The following ZNF407 variants were observed in gnomAD, a reference collection of about 807,000 sequenced individuals.
ZNF407 encodes zinc finger protein 407.
In ZNF407, 17 loss-of-function variants were observed where a neutral mutation model predicts 131.2. The ratio of observed to expected loss-of-function variants is 0.13; its 90% CI spans 0.09 to 0.19. The LOEUF is 0.19. Among genes scored for constraint, ZNF407 ranks in the 10% least tolerant of loss-of-function variants. ZNF407 has a pLI of 1.00. For missense variants in ZNF407, 2,681 were observed against 2,830.6 expected (o/e 0.95, Z 1.20); for synonymous variants, 1,156 against 1,062.0 (o/e 1.09, Z -1.72).
intron 3 of ZNF407, among the ~76,000 whole-genome samples, chr18:74,684,028 A>G (rs552162124): frequency 6.6e-6 from 1 of 152,302 alleles, no homozygotes; most frequent in African/African-American, 2.4e-5. Context: ...TGTGGTTGTT[A>G]GTGCTATAAT....
intron 4 of ZNF407, among the ~76,000 whole-genome samples, chr18:74,815,640 CATT>C (rs1341660011): frequency 6.6e-6 from 1 of 152,010 alleles, no homozygotes; most frequent in African/African-American, 2.4e-5. Context: ...ATTGATTTTC[CATT>C]ATTATTGTTC....
chr18:75,007,485 C>T (rs1468786013), intron 8 of ZNF407, among the ~76,000 whole-genome samples: 1 of 152,196 alleles, frequency 6.6e-6, no homozygotes, highest in African/African-American at 2.4e-5. Context: ...CCCACAACTC[C>T]TGGACATTCT....
Position 74,861,524 on chromosome 18 carries a change from A to G in ZNF407, c.4878-15673A>G, listed in dbSNP as rs996707433. Among the ~76,000 whole-genome samples the G allele has an allele frequency of 4.5e-4, 68 of 152,320 alleles. 1 individual carries two copies. The highest frequency in any genetic ancestry group is 1.6e-3 in the African/African-American group (65 of 41,580). ...AGGAATTTACTCGACGTTTGCTTTC[A>G]ACTAAAAGAATAGACAACATATTCA... On this transcript the variant is annotated intron_variant, in intron 4 of 8. Transcript: ENST00000299687.
intron 4 of ZNF407, among the ~76,000 whole-genome samples, chr18:74,845,876 C>T (rs1446865032): frequency 6.6e-6 from 1 of 152,014 alleles, no homozygotes; most frequent in African/African-American, 2.4e-5. Context: ...GGTTGGGCTA[C>T]CAACTGATTA....
At chr18:74,939,135 A>C (rs375882873) in intron 8 of ZNF407, among the ~76,000 whole-genome samples, 5 of 152,284 alleles carry the variant, frequency 3.3e-5, no homozygotes, top group African/African-American at 1.2e-4. Flanking sequence ...TTAGGGCATG[A>C]TTTCTATTGC....
At chr18:74,823,234 C>G (rs144180253) in intron 4 of ZNF407, among the ~76,000 whole-genome samples, 1,653 of 152,272 alleles carry the variant, frequency 0.011, 24 homozygotes, top group African/African-American at 0.037. Flanking sequence ...AAAGGAACAA[C>G]CAGTACCAGC....
chr18:74,626,630 C>T (rs1361779057), intron 1 of ZNF407, among the ~76,000 whole-genome samples: 1 of 152,144 alleles, frequency 6.6e-6, no homozygotes, highest in Non-Finnish European at 1.5e-5. Context: ...GTAATAGCAA[C>T]AAAAGGAAAC....
At chr18:75,014,001 A>G (rs1001532042) in intron 8 of ZNF407, among the ~76,000 whole-genome samples, 6 of 152,118 alleles carry the variant, frequency 3.9e-5, no homozygotes, top group African/African-American at 1.4e-4. Flanking sequence ...CAAATCCTAT[A>G]GAAGCTTTAT....
chr18:75,055,708 G>A (rs1020379817), intron 8 of ZNF407, among the ~76,000 whole-genome samples: 8 of 152,100 alleles, frequency 5.3e-5, no homozygotes, highest in African/African-American at 1.2e-4. Flanking sequence ...ATAAAATTTA[G>A]TCTTCATTTT....
intron 4 of ZNF407, among the ~76,000 whole-genome samples, chr18:74,789,150 G>C (rs780006308): frequency 1.3e-5 from 2 of 152,190 alleles, no homozygotes; most frequent in Non-Finnish European, 2.9e-5. Flanking sequence ...ATTTTCGTAG[G>C]TATAAGATTG....
At chr18:74,963,399 C>G (rs933925107) in intron 8 of ZNF407, among the ~76,000 whole-genome samples, 14 of 152,266 alleles carry the variant, frequency 9.2e-5, no homozygotes, top group African/African-American at 3.4e-4. Context: ...ACTGGACCTG[C>G]AGGTTATCGG....
At chr18:74,829,329 G>C (rs759434751) in intron 4 of ZNF407, among the ~76,000 whole-genome samples, 5 of 152,206 alleles carry the variant, frequency 3.3e-5, no homozygotes, top group Non-Finnish European at 7.3e-5. Context: ...GGTTAGTACT[G>C]TTATGAACCT....
At chr18:74,842,490 G>A (rs143783714) in intron 4 of ZNF407, among the ~76,000 whole-genome samples, 13 of 151,988 alleles carry the variant, frequency 8.6e-5, no homozygotes, top group Non-Finnish European at 1.6e-4. Flanking sequence ...TGTTCATATT[G>A]ATGCTTTCAG....
chr18:74,914,348 C>T (rs1234025240), intron 7 of ZNF407, among the ~76,000 whole-genome samples: 1 of 152,172 alleles, frequency 6.6e-6, no homozygotes, highest in Non-Finnish European at 1.5e-5. Flanking sequence ...TTGCTGAGAG[C>T]TGCGGATTCG....
At chr18:74,851,897 CA>C (rs1449069730) in intron 4 of ZNF407, among the ~76,000 whole-genome samples, 1 of 152,110 alleles carries the variant, frequency 6.6e-6, no homozygotes, top group Non-Finnish European at 1.5e-5. Flanking sequence ...GCATCTTGAA[CA>C]AAAGTTAGAG....
intron 7 of ZNF407, among the ~76,000 whole-genome samples, chr18:74,894,256 A>G (rs1353954925): frequency 1.3e-5 from 2 of 152,066 alleles, no homozygotes; most frequent in Non-Finnish European, 2.9e-5. Flanking sequence ...CTTTTTTGCC[A>G]TTAGTTACTA....
intron 3 of ZNF407, 72 bp downstream of exon 3, chr18:74,641,194 C>T (rs1327742304): frequency 2.4e-6 from 3 of 1,250,390 alleles, no homozygotes; most frequent in Admixed American, 3.4e-5. Flanking sequence ...TTTCGGAATT[C>T]AAAACCGATA....
At chr18:74,687,020 A>G (rs76567492) in intron 3 of ZNF407, among the ~76,000 whole-genome samples, 19,054 of 152,194 alleles carry the variant, frequency 0.13, 1,333 homozygotes, top group African/African-American at 0.17. Context: ...GGAATTTACA[A>G]TCTCTTGGGG....
chr18:74,947,707 T>C (rs1055025685), intron 8 of ZNF407, among the ~76,000 whole-genome samples: 5 of 152,170 alleles, frequency 3.3e-5, no homozygotes, highest in Non-Finnish European at 7.3e-5. Flanking sequence ...CTCACTCAAC[T>C]GATAAAAGCC....
Sources: gnomAD v4.1 joint callset for allele counts (sites outside exome capture counted in the v4.1 genomes callset) on GRCh38, gnomAD v4.1.1 for gene constraint, MANE v1.5 for transcripts, NCBI Gene and HGNC (gene_info 2026-07-23, HGNC 2026-07-21) for gene names.